Variants in CALCOCO2 observed in about 807,000 individuals in gnomAD.
The protein encoded by CALCOCO2 is calcium binding and coiled-coil domain 2.
A neutral mutation model predicts 62.5 loss-of-function variants in CALCOCO2; 42 were observed. The ratio of observed to expected loss-of-function variants is 0.67; its 90% CI spans 0.53 to 0.87. The LOEUF (loss-of-function observed/expected upper bound fraction) is 0.87, where lower values mean the gene tolerates loss of function less well. Among genes scored for constraint, CALCOCO2 ranks in the 40% least tolerant of loss-of-function variants. The probability of loss-of-function intolerance (pLI) is 0.00; values close to 1 mark genes in which losing one functional copy is unlikely to be tolerated. For missense variants in CALCOCO2, 456 were observed against 515.0 expected, an observed-to-expected ratio of 0.89 and a Z score of 1.11; for synonymous variants, 167 against 173.0, an observed-to-expected ratio of 0.97 and a Z score of 0.27.
rs780788883 is a variant in CALCOCO2, at chr17:48,862,877, A to G, written c.1213A>G (p.Ile405Val). Reference sequence around the variant, plus strand: ...ATGCCCTATCTGCAAAGCAGATGATATTTGTGATCACACCTTGGAGCAACA... The same window carrying G: ...ATGCCCTATCTGCAAAGCAGATGATGTTTGTGATCACACCTTGGAGCAACA... ...KKCPICKADD[I>V]CDHTLEQQQM... The change falls in exon 13 of 13, where the codon ATT becomes GTT. Residue 405 changes from isoleucine to valine, a missense_variant. Ile to Val is a conservative substitution (Grantham distance 29, BLOSUM62 3). Coordinates refer to ENST00000258947, the MANE Select transcript of CALCOCO2 (RefSeq NM_005831.5). 1.3e-5 allele frequency: 21 copies of G among 1,613,924 alleles called. No individual in the cohort carries two copies. Among genetic ancestry groups the G allele is most frequent in the Non-Finnish European group, 1.8e-5 (21 of 1,179,920 alleles).
chr17:48,848,785 T>C, intron 4 of CALCOCO2: 1 of 507,592 alleles, frequency 2.0e-6, no homozygotes. Flanking sequence ...GCACCAAATA[T>C]TCTTATCTCT....
chr17:48,852,012 C>T (rs1351867401), intron 7 of CALCOCO2, among the ~76,000 whole-genome samples: 2 of 152,030 alleles, frequency 1.3e-5, no homozygotes, highest in Admixed American at 1.3e-4. Context: ...TACAGGCGCA[C>T]GTGTAATTCC....
At chr17:48,861,910 A>G (rs2040333312) in intron 11 of CALCOCO2, among the ~76,000 whole-genome samples, 1 of 151,696 alleles carries the variant, frequency 6.6e-6, no homozygotes, top group East Asian at 1.9e-4. Context: ...TTAGCCAGGC[A>G]TGGTGGTAGG....
intron 2 of CALCOCO2, chr17:48,846,353 C>A: frequency 1.6e-6 from 1 of 631,246 alleles, no homozygotes; most frequent in Non-Finnish European, 2.8e-6. Context: ...ATAGTGAAAG[C>A]CACCACCAAT....
intron 1 of CALCOCO2, 134 bp from the exon 2 acceptor site, chr17:48,841,563 TA>T: frequency 1.9e-6 from 1 of 529,642 alleles, no homozygotes; most frequent in Non-Finnish European, 3.3e-6. Context: ...GCAAGTTGTG[TA>T]ATCTCAGTAT....
intron 5 of CALCOCO2, 120 bp from the exon 6 acceptor site, chr17:48,850,969 G>A: frequency 1.6e-6 from 1 of 629,204 alleles, no homozygotes; most frequent in Non-Finnish European, 2.9e-6. Flanking sequence ...TTCATTTACT[G>A]CTGTGTCATG....
At chr17:48,837,940 T>C (rs34071781) in intron 1 of CALCOCO2, among the ~76,000 whole-genome samples, 52,141 of 151,942 alleles carry the variant, frequency 0.34, 11,247 homozygotes, top group Non-Finnish European at 0.49. Context: ...ATTGTACTTA[T>C]TTATTTTTAA....
At chr17:48,850,254 A>G (rs2040109089) in intron 5 of CALCOCO2, among the ~76,000 whole-genome samples, 1 of 152,014 alleles carries the variant, frequency 6.6e-6, no homozygotes, top group African/African-American at 2.4e-5. Flanking sequence ...AGCCAAGATC[A>G]CACCCCTGCA....
intron 4 of CALCOCO2, 80 bp from the exon 5 acceptor site, chr17:48,849,172 C>G (rs1216201816): frequency 9.4e-6 from 13 of 1,380,050 alleles, no homozygotes; most frequent in African/African-American, 1.4e-5. Context: ...TGGGAATCAG[C>G]CAGTCCCTCA....
chr17:48,834,029 A>T (rs1237122273), intron 1 of CALCOCO2, among the ~76,000 whole-genome samples: 2 of 140,678 alleles, frequency 1.4e-5, no homozygotes, highest in African/African-American at 5.2e-5. Context: ...AGGTGAGAGG[A>T]TTGCTTGAGC....
At position 48,865,242 on chromosome 17, in the gene CALCOCO2, C is replaced by T. The variant is rs2040376968; in HGVS notation, c.*2237C>T. On this transcript the variant is annotated 3_prime_UTR_variant, in exon 13 of 13. Transcript: ENST00000258947. Reference sequence around the variant, plus strand: ...GCTCTAGGCAGCCACTAGTAGTAAACAATAGTTCTTTTTTTTGAGACAGAG... The same window carrying T: ...GCTCTAGGCAGCCACTAGTAGTAAATAATAGTTCTTTTTTTTGAGACAGAG... 1 of 152,082 alleles carries T rather than the reference C, an allele frequency of 6.6e-6. No individual in the cohort carries two copies. The highest frequency in any genetic ancestry group is 2.4e-5 in the African/African-American group (1 of 41,402). The allele number at this position is 152,082 out of a possible 1,614,324, so 9.4% of individuals were successfully genotyped here. A position where few individuals can be genotyped will look rare whatever the true frequency, so the allele number is the denominator to read the frequency against.
chr17:48,833,849 C>T (rs71377400), intron 1 of CALCOCO2, among the ~76,000 whole-genome samples: 166 of 152,140 alleles, frequency 1.1e-3, no homozygotes, highest in African/African-American at 3.8e-3. Context: ...CAGAAGTAGG[C>T]TGGGCACGGT....
At position 48,841,006 on chromosome 17, in the gene CALCOCO2, C is replaced by G. The variant is rs183637681; in HGVS notation, c.-10-692C>G. Among the ~76,000 whole-genome samples the G allele has an allele frequency of 1.8e-4, 27 of 152,322 alleles. 1 individual carries two copies. In the East Asian group the frequency reaches 4.2e-3, roughly 24 times the overall value. On this transcript the variant is annotated intron_variant, in intron 1 of 12. Transcript: ENST00000258947. ...GGGCTGGACATCTTACATTATTTCA[C>G]TTATGCCTCACAAAAAACTAAATGG...
chr17:48,858,512 TAG>T (rs2040276735), intron 10 of CALCOCO2, among the ~76,000 whole-genome samples: 1 of 151,930 alleles, frequency 6.6e-6, no homozygotes, highest in Non-Finnish European at 1.5e-5. Context: ...GTGTTTTTAG[TAG>T]AGAGGGGGTT....
At chr17:48,852,806 G>A (rs900011858) in intron 8 of CALCOCO2, 120 bp from the exon 9 acceptor site, 5 of 980,666 alleles carry the variant, frequency 5.1e-6, no homozygotes, top group African/African-American at 4.9e-5. Context: ...AAACTGACGA[G>A]AGAAGACTTG....
Position 48,862,258 on chromosome 17 carries a change from C to CT in CALCOCO2, c.1145-12dup. On this transcript the variant is annotated splice_polypyrimidine_tract_variant and intron_variant, in intron 11 of 12. Coordinates refer to ENST00000258947, the MANE Select transcript of CALCOCO2 (RefSeq NM_005831.5). ...ATGGTATTTTCTCATTGAATGAGAT[C>CT]TTTTTTATTCTTTTCAGGTATCCAA... 1 of 1,540,018 alleles carries CT rather than the reference C, an allele frequency of 6.5e-7. No individual in the cohort carries two copies. The highest frequency in any genetic ancestry group is 9.0e-7 in the Non-Finnish European group (1 of 1,112,688).
intron 1 of CALCOCO2, among the ~76,000 whole-genome samples, chr17:48,833,631 T>C (rs2039848424): frequency 6.6e-6 from 1 of 152,174 alleles, no homozygotes; most frequent in African/African-American, 2.4e-5. Context: ...ATCTTTGTTT[T>C]TACTGTTCTC....
chr17:48,863,051 C>A lies in CALCOCO2; in HGVS notation c.*46C>A. ...TATACAGAGATTTTATAGAATAGAA[C>A]CTATAGCTTCTACCATGAGTTATAT... On this transcript the variant is annotated 3_prime_UTR_variant, in exon 13 of 13. Coordinates refer to ENST00000258947, the MANE Select transcript of CALCOCO2 (RefSeq NM_005831.5). 1 of 1,361,412 alleles carries A rather than the reference C, an allele frequency of 7.3e-7. No homozygotes were observed. Among genetic ancestry groups the A allele is most frequent in the Non-Finnish European group, 1.1e-6 (1 of 950,064 alleles). The allele number at this position is 1,361,412 out of a possible 1,614,324, so 84.3% of individuals were successfully genotyped here. A position where few individuals can be genotyped will look rare whatever the true frequency, so the allele number is the denominator to read the frequency against.
chr17:48,846,430 C>T, intron 2 of CALCOCO2: 1 of 1,245,834 alleles, frequency 8.0e-7, no homozygotes, highest in Non-Finnish European at 1.1e-6. Flanking sequence ...GCTTCATACT[C>T]TCCTTGACTT....
Sources: gnomAD v4.1 joint callset for allele counts (sites outside exome capture counted in the v4.1 genomes callset) on GRCh38, gnomAD v4.1.1 for gene constraint, MANE v1.5 for transcripts, NCBI Gene and HGNC (gene_info 2026-07-23, HGNC 2026-07-21) for gene names.